LEKR1: variants seen among roughly 807,000 people sequenced by gnomAD.
LEKR1 encodes leucine, glutamate and lysine rich 1, also known as protein LEKR1.
LEKR1 carries 59 observed loss-of-function variants against 72.4 expected under a neutral mutation model. That is an observed-to-expected ratio of 0.82 (90% CI 0.66 to 1.01). The LOEUF (loss-of-function observed/expected upper bound fraction) is 1.01, where lower values mean the gene tolerates loss of function less well. Ranked by LOEUF, LEKR1 falls within the 50% of genes least tolerant of loss-of-function variation. The pLI is 0.00. For synonymous variants in LEKR1, 257 were observed against 263.2 expected (o/e 0.98, Z 0.23); for missense variants, 728 against 759.2 (o/e 0.96, Z 0.48).
chr3:156,934,990 G>A (rs1576854313), intron 5 of LEKR1, among the ~76,000 whole-genome samples: 2 of 152,164 alleles, frequency 1.3e-5, no homozygotes, highest in South Asian at 4.1e-4. Flanking sequence ...CTTTATACAT[G>A]CATCTTTAGG....
At chr3:156,955,718 T>C (rs1727562099) in intron 6 of LEKR1, among the ~76,000 whole-genome samples, 1 of 152,102 alleles carries the variant, frequency 6.6e-6, no homozygotes, top group Non-Finnish European at 1.5e-5. Flanking sequence ...GTGGATAAGC[T>C]TTTTGATGTG....
intron 6 of LEKR1, among the ~76,000 whole-genome samples, chr3:156,960,094 G>A (rs115400880): frequency 0.016 from 2,474 of 152,186 alleles, 69 homozygotes; most frequent in African/African-American, 0.055. Flanking sequence ...GGCAATGAAT[G>A]GATAGAACTA....
At chr3:156,835,127 C>T (rs577485704) in intron 2 of LEKR1, among the ~76,000 whole-genome samples, 5 of 152,154 alleles carry the variant, frequency 3.3e-5, no homozygotes, top group Non-Finnish European at 7.3e-5. Flanking sequence ...ATTACCTATT[C>T]CCTGCCCTAA....
At chr3:156,999,529 C>A (rs1234694525) in intron 9 of LEKR1, among the ~76,000 whole-genome samples, 1 of 152,126 alleles carries the variant, frequency 6.6e-6, no homozygotes, top group Admixed American at 6.5e-5. Flanking sequence ...TTCACGGCAC[C>A]CTGTGCACAA....
chr3:157,028,598 C>T (rs1338583262), intron 12 of LEKR1, among the ~76,000 whole-genome samples, 196 bp downstream of exon 12: 3 of 152,146 alleles, frequency 2.0e-5, no homozygotes, highest in Admixed American at 2.0e-4. Flanking sequence ...GTCACTTAGC[C>T]TCTCCAGACC....
At chr3:156,949,709 A>T (rs1371373321) in intron 6 of LEKR1, among the ~76,000 whole-genome samples, 1 of 151,264 alleles carries the variant, frequency 6.6e-6, no homozygotes, top group Non-Finnish European at 1.5e-5. Flanking sequence ...ATTGTATTTT[A>T]CTTCATATTT....
rs414683 is a variant in LEKR1, at chr3:156,852,914, A to G, written c.195A>G (p.Gln65=). 302,609 of 1,513,362 alleles carry G rather than the reference A, an allele frequency of 0.2. 37,101 individuals are homozygous for G. Among genetic ancestry groups the G allele is most frequent in the African/African-American group, 0.62 (43,638 of 70,356 alleles). 93.7% of individuals were successfully genotyped at this position (1,513,362 alleles called of 1,614,324 possible). A position where few individuals can be genotyped will look rare whatever the true frequency, so the allele number is the denominator to read the frequency against. The change falls in exon 3 of 13, where the codon CAA becomes CAG. Residue 65 remains glutamine, a synonymous_variant. Coordinates refer to ENST00000356539, the MANE Select transcript of LEKR1 (RefSeq NM_001004316.3). ...QGSVDREKRL[Q]EKLHSLSQEL... ...GTGTAGATCGTGAAAAGAGACTTCA[A>G]GAAAAGCTGCATTCTCTTAGCCAAG...
chr3:156,826,866 G>C (rs1711673762), intron 1 of LEKR1: 1 of 155,524 alleles, frequency 6.4e-6, no homozygotes, highest in African/African-American at 2.4e-5. Context: ...TTACGTAAGG[G>C]CTTGAAAGCT....
chr3:156,829,271 C>A lies in LEKR1; in HGVS notation c.-44-15C>A. ...ACATTATTTCTGTTCTGACTGTTGC[C>A]ATCAATGTTCTTAGATTTCCTTTGG... On this transcript the variant is annotated splice_polypyrimidine_tract_variant and intron_variant, in intron 1 of 12. Transcript: ENST00000356539. 1.1e-6 allele frequency: 1 copy of A among 936,154 alleles called. No homozygotes were observed. The allele number at this position is 936,154 out of a possible 1,614,324, so 58.0% of individuals were successfully genotyped here.
At chr3:156,935,613 T>C (rs1318518476) in intron 5 of LEKR1, among the ~76,000 whole-genome samples, 1 of 152,186 alleles carries the variant, frequency 6.6e-6, no homozygotes, top group Non-Finnish European at 1.5e-5. Context: ...ATAAATTGAA[T>C]GTAATGTTTT....
At chr3:156,899,868 GTATT>G (rs756625848) in intron 3 of LEKR1, among the ~76,000 whole-genome samples, 2 of 151,514 alleles carry the variant, frequency 1.3e-5, no homozygotes, top group Non-Finnish European at 2.9e-5. Flanking sequence ...GTGCATGTGT[GTATT>G]TAGGTGTGCA....
chr3:156,972,851 T>C (rs1174466179), intron 6 of LEKR1, among the ~76,000 whole-genome samples: 2 of 151,892 alleles, frequency 1.3e-5, no homozygotes, highest in Admixed American at 1.3e-4. Context: ...TAATTTGTTA[T>C]TTAAAAGATT....
rs1731233062 is a variant in LEKR1 at position 156,992,706 on chromosome 3, T to G, written c.881T>G (p.Phe294Cys). 1 of 1,044,032 alleles carries G rather than the reference T, an allele frequency of 9.6e-7. No individual in the cohort carries two copies. Among genetic ancestry groups the G allele is most frequent in the African/African-American group, 1.7e-5 (1 of 58,078 alleles). 64.7% of individuals were successfully genotyped at this position (1,044,032 alleles called of 1,614,324 possible). A position where few individuals can be genotyped will look rare whatever the true frequency, so the allele number is the denominator to read the frequency against. ...CAAAGAGAACTTAAAAAACTGAAGT[T>G]TGAATCCATTATTTCTGAGTCACAG... ...DCQRELKKLK[F>C]ESIISESQHT... The change falls in exon 8 of 13, where the codon TTT (phenylalanine) becomes TGT (cysteine). Residue 294 changes from phenylalanine to cysteine, a missense_variant. Coordinates refer to ENST00000356539, the MANE Select transcript of LEKR1 (RefSeq NM_001004316.3).
intron 4 of LEKR1, among the ~76,000 whole-genome samples, chr3:156,926,709 C>T (rs1304102917): frequency 6.6e-6 from 1 of 151,908 alleles, no homozygotes; most frequent in African/African-American, 2.4e-5. Context: ...ACATATTATG[C>T]AGTAGGCACT....
At chr3:157,041,948 A>G (rs1303713431) in intron 12 of LEKR1, among the ~76,000 whole-genome samples, 1 of 152,200 alleles carries the variant, frequency 6.6e-6, no homozygotes, top group Admixed American at 6.5e-5. Flanking sequence ...TACTTACTCT[A>G]GGCACATCCA....
chr3:156,935,206 T>C (rs981234941), intron 5 of LEKR1, among the ~76,000 whole-genome samples: 3 of 152,176 alleles, frequency 2.0e-5, no homozygotes. Flanking sequence ...TCAAGAACCT[T>C]GTTTAGAAGT....
intron 3 of LEKR1, among the ~76,000 whole-genome samples, chr3:156,893,908 T>A (rs1459621599): frequency 6.6e-6 from 1 of 152,178 alleles, no homozygotes; most frequent in Admixed American, 6.5e-5. Context: ...CAACTACCCC[T>A]TCCAAGTTGG....
chr3:156,924,106 AT>A (rs1395816187), intron 4 of LEKR1, among the ~76,000 whole-genome samples: 4 of 152,124 alleles, frequency 2.6e-5, no homozygotes, highest in Non-Finnish European at 5.9e-5. Context: ...ATGAATGAGG[AT>A]TCTAGTTTCT....
intron 5 of LEKR1, among the ~76,000 whole-genome samples, chr3:156,932,175 G>T (rs1405540188): frequency 6.6e-6 from 1 of 152,040 alleles, no homozygotes; most frequent in Non-Finnish European, 1.5e-5. Context: ...TAGAATCTAA[G>T]TAATGTGTAT....
Sources: gnomAD v4.1 joint callset for allele counts (sites outside exome capture counted in the v4.1 genomes callset) on GRCh38, gnomAD v4.1.1 for gene constraint, MANE v1.5 for transcripts, NCBI Gene and HGNC (gene_info 2026-07-23, HGNC 2026-07-21) for gene names.